The following PCDHGA8 variants were observed in gnomAD, a reference collection of about 807,000 sequenced individuals.
The protein encoded by PCDHGA8 is protocadherin gamma subfamily A, 8.
Under a neutral mutation model 59.2 loss-of-function variants are expected in PCDHGA8, and 45 were observed. The observed-to-expected ratio is 0.76, with a 90% CI of 0.60 to 0.98. The LOEUF (loss-of-function observed/expected upper bound fraction) is 0.98. PCDHGA8 is among the 50% of genes least tolerant of loss of function. PCDHGA8 has a pLI of 0.00. For synonymous variants in PCDHGA8, 531 were observed against 519.0 expected (o/e 1.02, Z -0.32); for missense variants, 1,257 against 1,196.2 (o/e 1.05, Z -0.75).
rs1348847945 is a variant in PCDHGA8, at chr5:141,493,426, C to G, written c.2425-1381C>G. ...TGCCTCTGCTGGGATTTTGCTTCTG[C>G]TGGGATGGGGCAAGGGTGGGGTTCC... On this transcript the variant is annotated intron_variant, in intron 1 of 3. Transcript: ENST00000398604. The surrounding 1 kb of genome is among the most constrained non-coding windows in gnomAD (Gnocchi z 4.3). Among the ~76,000 whole-genome samples, 2 of 152,144 alleles carry G rather than the reference C, an allele frequency of 1.3e-5. No homozygotes were observed. The highest frequency in any genetic ancestry group is 4.8e-5 in the African/African-American group (2 of 41,424).
rs1212478322 is a variant in PCDHGA8 at position 141,485,871 on chromosome 5, T to G, written c.2425-8936T>G. ...ACCGCAGAGCTCCGGGTATCCGTGC[T>G]GGACGTAAACGACAACGCCCCAGCC... On this transcript the variant is annotated intron_variant, in intron 1 of 3. Coordinates refer to ENST00000398604, the MANE Select transcript of PCDHGA8 (RefSeq NM_032088.2). The surrounding 1 kb of genome is among the most constrained non-coding windows in gnomAD (Gnocchi z 5.7). 6.2e-7 allele frequency: 1 copy of G among 1,614,196 alleles called. No homozygotes were observed. The highest frequency in any genetic ancestry group is 8.5e-7 in the Non-Finnish European group (1 of 1,180,032).
intron 1 of PCDHGA8, chr5:141,405,414 T>C (rs758249146): frequency 1.1e-4 from 169 of 1,562,196 alleles, no homozygotes; most frequent in Non-Finnish European, 1.5e-4. Context: ...TTTCTTTTTT[T>C]GTTTTTTGTT....
chr5:141,488,846 C>T (rs1359759383), intron 1 of PCDHGA8, among the ~76,000 whole-genome samples: 1 of 152,174 alleles, frequency 6.6e-6, no homozygotes, highest in African/African-American at 2.4e-5. Flanking sequence ...GCTGAATCAA[C>T]CTGCAGCACG....
In PCDHGA8 at chr5:141,487,476, A is replaced by G; in HGVS notation, c.2425-7331A>G. Reference sequence around the variant, plus strand: ...ATCAAGTTTGTTGATGTGGGAGGCCACTCTCATGGCTGTACACCCTTGGCT... The same window carrying G: ...ATCAAGTTTGTTGATGTGGGAGGCCGCTCTCATGGCTGTACACCCTTGGCT... On this transcript the variant is annotated intron_variant, in intron 1 of 3. Transcript: ENST00000398604. The surrounding 1 kb of genome is among the most constrained non-coding windows in gnomAD (Gnocchi z 5.0). The G allele has an allele frequency of 6.2e-7, 1 of 1,614,004 alleles. No homozygotes were observed. Among genetic ancestry groups the G allele is most frequent in the Non-Finnish European group, 8.5e-7 (1 of 1,180,002 alleles).
At position 141,393,007 on chromosome 5, in the gene PCDHGA8, G is replaced by C; in HGVS notation, c.194G>C (p.Arg65Pro). The change falls in exon 1 of 4, where the codon CGT (arginine) becomes CCT (proline). Residue 65 changes from arginine to proline, a missense_variant. Arg to Pro is a moderately radical substitution (Grantham distance 103, BLOSUM62 -2). Transcript: ENST00000398604. ...CGGAAGCTGGCGAAGCACGGAGTCC[G>C]TATCGTCTCCAGAGGTAGGACGCAG... is the stretch of plus-strand genomic sequence containing the variant. ...DPRKLAKHGV[R>P]IVSRGRTQLF... is the part of the protein sequence containing the mutation. 6.2e-7 allele frequency: 1 copy of C among 1,613,850 alleles called. No individual in the cohort carries two copies. Among genetic ancestry groups the C allele is most frequent in the Non-Finnish European group, 8.5e-7 (1 of 1,179,880 alleles).
intron 1 of PCDHGA8, chr5:141,422,569 G>A (rs1219842498): frequency 6.2e-7 from 1 of 1,613,984 alleles, no homozygotes; most frequent in Admixed American, 1.7e-5. Context: ...AGATGACAAC[G>A]ATAACCCTCC....
At chr5:141,479,561 G>A (rs1032137833) in intron 1 of PCDHGA8, 1 of 152,270 alleles carries the variant, frequency 6.6e-6, no homozygotes, top group African/African-American at 2.4e-5. Context: ...CTATCCAGTA[G>A]TGGGATGACA....
chr5:141,393,900 G>C lies in PCDHGA8; in HGVS notation c.1087G>C (p.Gly363Arg), dbSNP rs1048161107. 6.2e-7 allele frequency: 1 copy of C among 1,613,906 alleles called. No individual in the cohort carries two copies. Among genetic ancestry groups the C allele is most frequent in the Non-Finnish European group, 8.5e-7 (1 of 1,179,876 alleles). ...CCCAGTGTTAGAAAATTCTCTTCCC[G>C]GGACAGTAATTGCCTTCTTGAGTGT... ...FSPVLENSLP[G>R]TVIAFLSVHD... The change falls in exon 1 of 4, where the codon GGG (glycine) becomes CGG (arginine). Residue 363 changes from glycine (G) to arginine (R), a missense_variant. Physicochemically the swap from Gly to Arg is moderately radical, Grantham distance 125 (BLOSUM62 -2). Coordinates refer to ENST00000398604, the MANE Select transcript of PCDHGA8 (RefSeq NM_032088.2).
At chr5:141,452,106 CTCT>C (rs748460925) in intron 1 of PCDHGA8, among the ~76,000 whole-genome samples, 12 of 152,096 alleles carry the variant, frequency 7.9e-5, no homozygotes, top group South Asian at 4.1e-4. Flanking sequence ...GCTTTCTTTT[CTCT>C]TCTTATTTAT....
Position 141,491,968 on chromosome 5 carries a change from G to GC in PCDHGA8, c.2425-2837dup. On this transcript the variant is annotated intron_variant, in intron 1 of 3. Coordinates refer to ENST00000398604, the MANE Select transcript of PCDHGA8 (RefSeq NM_032088.2). The surrounding 1 kb of genome is among the most constrained non-coding windows in gnomAD (Gnocchi z 6.9). ...ACCCCTACACTCAAAAAAGGCCGGG[G>GC]CCTCCTTCGAGCTTCCGGTGAATTT... 1.1e-6 allele frequency: 1 copy of GC among 923,644 alleles called. No homozygotes were observed. Among genetic ancestry groups the GC allele is most frequent in the Admixed American group, 3.6e-5 (1 of 27,548 alleles). 57.2% of individuals were successfully genotyped at this position (923,644 alleles called of 1,614,324 possible).
At chr5:141,398,621 ACT>A in intron 1 of PCDHGA8, 3 of 1,613,968 alleles carry the variant, frequency 1.9e-6, no homozygotes, top group Non-Finnish European at 2.5e-6. Flanking sequence ...ATTGGCTTAA[ACT>A]CTCTGCAGAA....
chr5:141,474,321 A>G (rs75620387), intron 1 of PCDHGA8, among the ~76,000 whole-genome samples: 2,046 of 152,326 alleles, frequency 0.013, 15 homozygotes, highest in Middle Eastern at 0.034. Context: ...GTGTTTTCAA[A>G]TCACCCTGAT....
rs147057088 is a variant in PCDHGA8 at position 141,432,065 on chromosome 5, A to C, written c.2424+36828A>C. 6.2e-7 allele frequency: 1 copy of C among 1,613,930 alleles called. No individual in the cohort carries two copies. Among genetic ancestry groups the C allele is most frequent in the Non-Finnish European group, 8.5e-7 (1 of 1,180,014 alleles). On this transcript the variant is annotated intron_variant, in intron 1 of 3. Coordinates refer to ENST00000398604, the MANE Select transcript of PCDHGA8 (RefSeq NM_032088.2). This position sits in a 1 kb window ranked among gnomAD's most constrained non-coding sequence, Gnocchi z 6.0. ...GGGAACCCCGCCCCTATCCACGGAA[A>C]CTCATATCTCGCTGAACGTGGCAGA...
At chr5:141,405,407 CT>C (rs762612492) in intron 1 of PCDHGA8, 3 of 1,582,042 alleles carry the variant, frequency 1.9e-6, no homozygotes, top group South Asian at 1.1e-5. Context: ...TCTTTCTTTT[CT>C]TTTTTTGTTT....
chr5:141,414,578 A>G, intron 1 of PCDHGA8: 1 of 1,613,960 alleles, frequency 6.2e-7, no homozygotes, highest in Non-Finnish European at 8.5e-7. Context: ...ATCCCAGAGA[A>G]CAACGCCAGG....
Position 141,414,286 on chromosome 5 carries a change from G to T in PCDHGA8, c.2424+19049G>T, listed in dbSNP as rs2095728607. On this transcript the variant is annotated intron_variant, in intron 1 of 3. Transcript: ENST00000398604. Reference sequence around the variant, plus strand: ...AGATTCACCTCTGGGAACAGTCGTAGCCCTTTTAAATGTGCATGATTTAGA... The same window carrying T: ...AGATTCACCTCTGGGAACAGTCGTATCCCTTTTAAATGTGCATGATTTAGA... 1.2e-6 allele frequency: 2 copies of T among 1,613,466 alleles called. No homozygotes were observed. The highest frequency in any genetic ancestry group is 1.7e-6 in the Non-Finnish European group (2 of 1,179,778).
chr5:141,428,194 T>C (rs2097123409), intron 1 of PCDHGA8: 1 of 1,414,108 alleles, frequency 7.1e-7, no homozygotes, highest in Admixed American at 1.8e-5. Flanking sequence ...CGCCGCTCTC[T>C]GCGCCGCTAC....
chr5:141,501,789 C>T (rs367954511), intron 2 of PCDHGA8, among the ~76,000 whole-genome samples: 1 of 152,262 alleles, frequency 6.6e-6, no homozygotes, highest in South Asian at 2.1e-4. Context: ...TCTCCCTCTG[C>T]TCATCTCTTA....
Position 141,483,648 on chromosome 5 carries a change from T to TTGTG in PCDHGA8, c.2425-11141_2425-11138dup, listed in dbSNP as rs111458813. ...GGAGAAGGTATAGAGGGGTGTGTGTTTGTGTGTGTGTGTGTGTGTGTAAAA... is the reference window on the plus strand; with the variant it reads ...GGAGAAGGTATAGAGGGGTGTGTGTTTGTGTGTGTGTGTGTGTGTGTGTGTAAAA... On this transcript the variant is annotated intron_variant, in intron 1 of 3. Coordinates refer to ENST00000398604, the MANE Select transcript of PCDHGA8 (RefSeq NM_032088.2). Among the ~76,000 whole-genome samples, 501 of 149,686 alleles carry TTGTG rather than the reference T, an allele frequency of 3.3e-3. 2 individuals are homozygous for TTGTG. Among genetic ancestry groups the TTGTG allele is most frequent in the African/African-American group, 7.3e-3 (297 of 40,842 alleles).
Sources: gnomAD v4.1 joint callset for allele counts (sites outside exome capture counted in the v4.1 genomes callset) on GRCh38, gnomAD v4.1.1 for gene constraint, Gnocchi (gnomAD v3.1) non-coding constraint, MANE v1.5 for transcripts, NCBI Gene and HGNC (gene_info 2026-07-23, HGNC 2026-07-21) for gene names.